FRMPD4: variants seen among roughly 807,000 people sequenced by gnomAD.
FRMPD4 encodes the protein FERM and PDZ domain containing 4, also known as FERM and PDZ domain-containing protein 4.
Under a neutral mutation model 94.1 loss-of-function variants are expected in FRMPD4, and 22 were observed. The ratio of observed to expected loss-of-function variants is 0.23; its 90% CI spans 0.17 to 0.33. The LOEUF (loss-of-function observed/expected upper bound fraction) is 0.33. FRMPD4 is among the 10% of genes least tolerant of loss of function. FRMPD4 has a pLI of 1.00. For missense variants in FRMPD4, 1,111 were observed against 1,339.9 expected (o/e 0.83, Z 2.67); for synonymous variants, 631 against 548.6 (o/e 1.15, Z -2.10).
At chrX:12,315,083 A>G (rs777036100) in intron 1 of FRMPD4, among the ~76,000 whole-genome samples, 1 of 112,060 alleles carries the variant, frequency 8.9e-6, no homozygotes, top group Admixed American at 9.4e-5. Flanking sequence ...CATATTTATT[A>G]GATGGTGTTA....
chrX:12,627,626 C>T (rs113391072), intron 4 of FRMPD4, among the ~76,000 whole-genome samples: 136 of 111,920 alleles, frequency 1.2e-3, no homozygotes, highest in Middle Eastern at 4.6e-3. Context: ...TATATAATGA[C>T]GGAAATTAAT....
intron 2 of FRMPD4, among the ~76,000 whole-genome samples, chrX:12,543,286 A>G (rs914383012): frequency 3.6e-5 from 4 of 111,607 alleles, no homozygotes; most frequent in Admixed American, 2.9e-4. Context: ...AGAAACTACC[A>G]TCAGAGTGAA....
chrX:12,371,248 A>G (rs2056158672), intron 1 of FRMPD4, among the ~76,000 whole-genome samples: 1 of 112,734 alleles, frequency 8.9e-6, no homozygotes, highest in South Asian at 3.6e-4. Flanking sequence ...TTCCCCAAAA[A>G]ATCACAATAG....
chrX:12,716,012 C>CCCCA, intron 14 of FRMPD4, 57 bp from the exon 15 acceptor site: 1 of 355,842 alleles, frequency 2.8e-6, no homozygotes, highest in Non-Finnish European at 5.0e-6. Flanking sequence ...CCCACCCCCG[C>CCCCA]CCCACCCAAA....
At chrX:12,644,930 C>A (rs769370824) in intron 4 of FRMPD4, among the ~76,000 whole-genome samples, 1 of 111,753 alleles carries the variant, frequency 8.9e-6, no homozygotes, top group African/African-American at 3.3e-5. Flanking sequence ...ATTAACTATG[C>A]AAACTGACTA....
At chrX:12,087,012 A>G (rs1601928790) in intron 3 of FRMPD4, among the ~76,000 whole-genome samples, 1 of 111,752 alleles carries the variant, frequency 8.9e-6, no homozygotes, top group Non-Finnish European at 1.9e-5. Flanking sequence ...GGCCTCTCTG[A>G]CAGAGGCCCT....
At chrX:12,427,803 C>A (rs925949030) in intron 1 of FRMPD4, among the ~76,000 whole-genome samples, 1 of 109,264 alleles carries the variant, frequency 9.2e-6, no homozygotes, top group African/African-American at 3.3e-5. Context: ...TTGAAAATAA[C>A]GCATAAGTCA....
At chrX:12,322,604 A>C (rs956969732) in intron 1 of FRMPD4, among the ~76,000 whole-genome samples, 3 of 110,583 alleles carry the variant, frequency 2.7e-5, no homozygotes, top group African/African-American at 9.9e-5. Flanking sequence ...TGTAGGTCGT[A>C]GTTTGAGTTG....
chrX:12,315,373 A>G lies in FRMPD4; in HGVS notation c.41+176361A>G, dbSNP rs751690570. Among the ~76,000 whole-genome samples, 7 of 112,460 alleles carry G rather than the reference A, an allele frequency of 6.2e-5. No individual in the cohort carries two copies. In the East Asian group the frequency reaches 1.9e-3, roughly 31 times the overall value. Reference sequence around the variant, plus strand: ...CATTTTGTTCTCTTGAGATTAGTGTAGTAATAATTATTCACTGACCACTTG... The same window carrying G: ...CATTTTGTTCTCTTGAGATTAGTGTGGTAATAATTATTCACTGACCACTTG... On this transcript the variant is annotated intron_variant, in intron 1 of 16. Coordinates refer to ENST00000675598, the MANE Select transcript of FRMPD4 (RefSeq NM_001368397.1).
chrX:12,636,480 T>C (rs192578709), intron 4 of FRMPD4, among the ~76,000 whole-genome samples: 98 of 104,344 alleles, frequency 9.4e-4, no homozygotes, highest in East Asian at 6.0e-3. Flanking sequence ...TGGTTGTTTC[T>C]CTTTCTGTGA....
chrX:12,384,430 A>T (rs749622654), intron 1 of FRMPD4, among the ~76,000 whole-genome samples: 1 of 111,517 alleles, frequency 9.0e-6, no homozygotes, highest in South Asian at 3.8e-4. Context: ...AATTGGGAAG[A>T]TCACTTGAGC....
intron 3 of FRMPD4, among the ~76,000 whole-genome samples, chrX:11,942,617 G>T (rs1450277794): frequency 9.0e-6 from 1 of 111,633 alleles, no homozygotes; most frequent in Non-Finnish European, 1.9e-5. Context: ...TGACAAAGGG[G>T]TGTTAAGGAT....
intron 2 of FRMPD4, among the ~76,000 whole-genome samples, chrX:12,535,079 T>C (rs1356877876): frequency 9.0e-6 from 1 of 111,572 alleles, no homozygotes; most frequent in Admixed American, 9.5e-5. Flanking sequence ...GTTCTTGTGA[T>C]AGTGAATAAG....
At chrX:12,700,518 A>G in intron 9 of FRMPD4, among the ~76,000 whole-genome samples, 1 of 111,939 alleles carries the variant, frequency 8.9e-6, no homozygotes, top group Non-Finnish European at 1.9e-5. Flanking sequence ...TTTACACTTG[A>G]TGACACACTC....
chrX:12,389,386 A>C (rs1213469760), intron 1 of FRMPD4, among the ~76,000 whole-genome samples: 2 of 109,149 alleles, frequency 1.8e-5, no homozygotes, highest in African/African-American at 6.7e-5. Flanking sequence ...GTGGCAGGAG[A>C]ATCACTTGAA....
intron 5 of FRMPD4, among the ~76,000 whole-genome samples, chrX:12,677,115 C>A (rs775362203): frequency 9.0e-6 from 1 of 110,866 alleles, no homozygotes; most frequent in Non-Finnish European, 1.9e-5. Flanking sequence ...TATGGGGACA[C>A]GTCCTGTGCA....
intron 1 of FRMPD4, among the ~76,000 whole-genome samples, chrX:11,823,808 A>T (rs2053425274): frequency 8.9e-6 from 1 of 112,098 alleles, no homozygotes; most frequent in African/African-American, 3.2e-5. Flanking sequence ...AAAAATGGTA[A>T]CATTGTTCTG....
chrX:11,934,924 A>G (rs990632334), intron 3 of FRMPD4, among the ~76,000 whole-genome samples: 118 of 111,815 alleles, frequency 1.1e-3, no homozygotes, highest in Admixed American at 3.8e-4. Context: ...TCACCATATT[A>G]TGTGAACAGC....
At chrX:12,301,766 C>G (rs2054863271) in intron 1 of FRMPD4, among the ~76,000 whole-genome samples, 1 of 112,284 alleles carries the variant, frequency 8.9e-6, no homozygotes, top group Non-Finnish European at 1.9e-5. Context: ...ATTCAGCTAA[C>G]TTGTGAAATA....
Sources: gnomAD v4.1 joint callset for allele counts (sites outside exome capture counted in the v4.1 genomes callset) on GRCh38, gnomAD v4.1.1 for gene constraint, MANE v1.5 for transcripts, NCBI Gene and HGNC (gene_info 2026-07-23, HGNC 2026-07-21) for gene names.